USP43: variants seen among roughly 807,000 people sequenced by gnomAD.
USP43 encodes ubiquitin carboxyl-terminal hydrolase 43.
Under a neutral mutation model 90.7 loss-of-function variants are expected in USP43, and 33 were observed. That is an observed-to-expected ratio of 0.36 (90% CI 0.28 to 0.49). The LOEUF (loss-of-function observed/expected upper bound fraction) is 0.49, where lower values mean the gene tolerates loss of function less well. USP43 is among the 20% of genes least tolerant of loss of function. The probability of loss-of-function intolerance (pLI) is 0.98; values close to 1 mark genes in which losing one functional copy is unlikely to be tolerated. For missense variants in USP43, 1,274 were observed against 1,476.4 expected (o/e 0.86, Z 2.25); for synonymous variants, 598 against 615.8 (o/e 0.97, Z 0.43).
rs1448464604 is a variant in USP43, at chr17:9,681,360, AAATAAATAAAT to A, written c.1105+996_1105+1006del. On this transcript the variant is annotated intron_variant, in intron 6 of 14. Transcript: ENST00000285199. ...AATATATATATAAATAAAATAAATA[AAATAAATAAAT>A]ATATATAAATAAATATAATATAGAT... 1.5e-3 allele frequency among the ~76,000 whole-genome samples: 174 copies of A among 117,670 alleles called. 1 individual carries two copies. Among genetic ancestry groups the A allele is most frequent in the African/African-American group, 5.2e-3 (163 of 31,224 alleles). The allele number at this position is 117,670 out of a possible 152,430, so 77.2% of individuals were successfully genotyped here.
At chr17:9,707,409 G>A (rs1395805182) in intron 12 of USP43, among the ~76,000 whole-genome samples, 3 of 152,084 alleles carry the variant, frequency 2.0e-5, no homozygotes, top group African/African-American at 7.2e-5. Context: ...CACTTTGGGA[G>A]GCCGAGGTGG....
chr17:9,698,359 T>C (rs969849178), intron 9 of USP43, among the ~76,000 whole-genome samples: 9 of 152,234 alleles, frequency 5.9e-5, no homozygotes, highest in Non-Finnish European at 7.3e-5. Context: ...TGTTTGTTTA[T>C]GTTGCATTTG....
chr17:9,653,354 G>A (rs1272604198), intron 1 of USP43, among the ~76,000 whole-genome samples: 2 of 149,434 alleles, frequency 1.3e-5, no homozygotes, highest in African/African-American at 2.4e-5. Flanking sequence ...TTGGGAGGCC[G>A]AGGCGGGTGG....
chr17:9,702,883 C>A (rs138864747), intron 12 of USP43, among the ~76,000 whole-genome samples: 1 of 152,286 alleles, frequency 6.6e-6, no homozygotes, highest in South Asian at 2.1e-4. Flanking sequence ...AGGCTGGGGA[C>A]CACCTGAGTG....
In USP43 at chr17:9,666,730, G is replaced by A; in HGVS notation, c.719G>A (p.Ser240Asn). ...CCTCTAGGTCAAAGCTTTGTGCAAA[G>A]CCACTTTCAAGCACAATATAGGTAA... ...QLPLGQSFVQ[S>N]HFQAQYRSSL... Residue 240 changes from serine (S) to asparagine (N), a missense_variant, in exon 3 of 15, where the codon AGC becomes AAC. Transcript: ENST00000285199. 1 of 1,612,910 alleles carries A rather than the reference G, an allele frequency of 6.2e-7. No individual in the cohort carries two copies. Among genetic ancestry groups the A allele is most frequent in the Non-Finnish European group, 8.5e-7 (1 of 1,179,510 alleles).
At chr17:9,666,034 C>T (rs146848607) in intron 2 of USP43, among the ~76,000 whole-genome samples, 13 of 152,210 alleles carry the variant, frequency 8.5e-5, no homozygotes, top group African/African-American at 3.1e-4. Context: ...TGTTTACAGC[C>T]CCCAGTTTGT....
chr17:9,656,440 A>T lies in USP43; in HGVS notation c.542A>T (p.Asn181Ile). The change falls in exon 2 of 15, where the codon AAT (asparagine) becomes ATT (isoleucine). Residue 181 changes from asparagine (N) to isoleucine (I), a missense_variant. Physicochemically the swap from Asn to Ile is moderately radical, Grantham distance 149. Coordinates refer to ENST00000285199, the MANE Select transcript of USP43 (RefSeq NM_153210.5). Reference protein sequence around the residue: ...VSKYGSQFQGNSQHDALEFLL... With the variant: ...VSKYGSQFQGISQHDALEFLL... ...AAGTACGGCTCTCAGTTCCAAGGCA[A>T]TTCCCAGCACGACGCCCTGGAATTC... The T allele has an allele frequency of 6.2e-7, 1 of 1,611,040 alleles. No homozygotes were observed. The highest frequency in any genetic ancestry group is 8.5e-7 in the Non-Finnish European group (1 of 1,178,736).
intron 14 of USP43, among the ~76,000 whole-genome samples, chr17:9,720,891 G>A (rs1476465630): frequency 2.0e-5 from 3 of 152,146 alleles, no homozygotes; most frequent in Admixed American, 1.3e-4. Flanking sequence ...GAGCAGCCCC[G>A]CTCAGTAAAA....
intron 7 of USP43, among the ~76,000 whole-genome samples, chr17:9,684,403 T>C (rs1488354456): frequency 2.0e-5 from 3 of 152,130 alleles, no homozygotes; most frequent in African/African-American, 7.2e-5. Context: ...AGGAGATAAA[T>C]ACCCTTGGTG....
rs1436405574 is a variant in USP43 at position 9,697,623 on chromosome 17, TG to T, written c.1458-2547del. Among the ~76,000 whole-genome samples the T allele has an allele frequency of 5.9e-5, 9 of 152,216 alleles. No individual in the cohort carries two copies. The South Asian group carries it at 1.9e-3, about 32-fold the overall frequency. On this transcript the variant is annotated intron_variant, in intron 9 of 14. Coordinates refer to ENST00000285199, the MANE Select transcript of USP43 (RefSeq NM_153210.5). ...TTCTGCATTCATTCACTTAGGATAA[TG>T]GCCTCCATTTTCATCCATGTTGCTG...
At chr17:9,657,739 G>A (rs935346440) in intron 2 of USP43, among the ~76,000 whole-genome samples, 1 of 152,090 alleles carries the variant, frequency 6.6e-6, no homozygotes, top group Non-Finnish European at 1.5e-5. Flanking sequence ...CATAAGAACA[G>A]CATGGGGGAA....
At chr17:9,683,190 T>C (rs929580234) in intron 7 of USP43, among the ~76,000 whole-genome samples, 6 of 152,292 alleles carry the variant, frequency 3.9e-5, no homozygotes, top group Non-Finnish European at 8.8e-5. Flanking sequence ...GGAGGAACAA[T>C]TTTTACTGCC....
rs148573257 is a variant in USP43 at position 9,646,283 on chromosome 17, G to A, written c.504+147G>A. ...CGGATTACCGGCTTTGTTTTGAGTCGATGTGTTACGCTGTCGCTTGCTTAT... is the reference window on the plus strand; with the variant it reads ...CGGATTACCGGCTTTGTTTTGAGTCAATGTGTTACGCTGTCGCTTGCTTAT... On this transcript the variant is annotated intron_variant, in intron 1 of 14. Transcript: ENST00000285199. 2,250 of 1,096,630 alleles carry A rather than the reference G, an allele frequency of 2.1e-3. 4 individuals are homozygous for A. Among genetic ancestry groups the A allele is most frequent in the Non-Finnish European group, 2.3e-3 (1,971 of 841,502 alleles). 67.9% of individuals were successfully genotyped at this position (1,096,630 alleles called of 1,614,324 possible).
Position 9,659,517 on chromosome 17 carries a change from G to C in USP43, c.636+2983G>C, listed in dbSNP as rs73975782. On this transcript the variant is annotated intron_variant, in intron 2 of 14. Coordinates refer to ENST00000285199, the MANE Select transcript of USP43 (RefSeq NM_153210.5). Reference sequence around the variant, plus strand: ...ATGCTTTCTCAATTTCCCATGGCGGGAGAGAGGAGACTTAGAAATAGGTGG... The same window carrying C: ...ATGCTTTCTCAATTTCCCATGGCGGCAGAGAGGAGACTTAGAAATAGGTGG... 4.8e-3 allele frequency among the ~76,000 whole-genome samples: 727 copies of C among 152,228 alleles called. 4 individuals carry two copies. Among genetic ancestry groups the C allele is most frequent in the African/African-American group, 0.016 (670 of 41,540 alleles).
In USP43 at chr17:9,646,086, C is replaced by A; in HGVS notation, c.454C>A (p.Arg152Ser). ...CACCGAGCAGCTGGCGGCGCTGGTG[C>A]GCGCGCTCTGGACTCGCGAATACAC... ...EVTEQLAALV[R>S]ALWTREYTPQ... The change falls in exon 1 of 15, where the codon CGC (arginine) becomes AGC (serine). Residue 152 changes from arginine (R) to serine (S), a missense_variant. Arg to Ser is a moderately radical substitution (Grantham distance 110). Coordinates refer to ENST00000285199, the MANE Select transcript of USP43 (RefSeq NM_153210.5). 6.6e-7 allele frequency: 1 copy of A among 1,505,226 alleles called. No individual in the cohort carries two copies. The highest frequency in any genetic ancestry group is 1.2e-5 in the South Asian group (1 of 80,134). 93.2% of individuals were successfully genotyped at this position (1,505,226 alleles called of 1,614,324 possible). A position where few individuals can be genotyped will look rare whatever the true frequency, so the allele number is the denominator to read the frequency against.
Position 9,710,064 on chromosome 17 carries a change from A to G in USP43, c.2120A>G (p.Tyr707Cys), listed in dbSNP as rs760745118. Residue 707 changes from tyrosine to cysteine, a missense_variant, in exon 13 of 15, where the codon TAT becomes TGT. Coordinates refer to ENST00000285199, the MANE Select transcript of USP43 (RefSeq NM_153210.5). ...ACCAGAGGGGCTTATATCCTGTTCT[A>G]TCAGAAGCGGAACAGCATCCCTCCC... ...VNTRGAYILFYQKRNSIPPWS... is the reference protein window; with the variant it reads ...VNTRGAYILFCQKRNSIPPWS... The G allele has an allele frequency of 2.6e-6, 4 of 1,562,756 alleles. No individual in the cohort carries two copies. The highest frequency in any genetic ancestry group is 3.5e-6 in the Non-Finnish European group (4 of 1,154,110).
At chr17:9,693,403 C>T (rs1010244624) in intron 9 of USP43, among the ~76,000 whole-genome samples, 173 bp downstream of exon 9, 2 of 150,860 alleles carry the variant, frequency 1.3e-5, no homozygotes, top group East Asian at 1.9e-4. Flanking sequence ...GCTTTGAACC[C>T]GTATGTCTGG....
intron 1 of USP43, among the ~76,000 whole-genome samples, chr17:9,654,122 T>C (rs66526978): frequency 0.11 from 17,111 of 152,088 alleles, 1,111 homozygotes; most frequent in East Asian, 0.31. Context: ...TTGAGGGTTG[T>C]TTGGGGGTAG....
At chr17:9,661,304 A>C (rs910461333) in intron 2 of USP43, among the ~76,000 whole-genome samples, 1 of 152,122 alleles carries the variant, frequency 6.6e-6, no homozygotes, top group Non-Finnish European at 1.5e-5. Flanking sequence ...AACACTGACT[A>C]TGTGCAGGGA....
Sources: gnomAD v4.1 joint callset for allele counts (sites outside exome capture counted in the v4.1 genomes callset) on GRCh38, gnomAD v4.1.1 for gene constraint, MANE v1.5 for transcripts, NCBI Gene and HGNC (gene_info 2026-07-23, HGNC 2026-07-21) for gene names.